Variants in MAP2K5 observed in about 807,000 individuals in gnomAD.
MAP2K5 encodes mitogen-activated protein kinase kinase 5, also known as dual specificity mitogen-activated protein kinase kinase 5.
Under a neutral mutation model 83.1 loss-of-function variants are expected in MAP2K5, and 49 were observed. That is an observed-to-expected ratio of 0.59 (90% CI 0.47 to 0.75). MAP2K5 has a LOEUF of 0.75. Among genes scored for constraint, MAP2K5 ranks in the 30% least tolerant of loss-of-function variants. The probability of loss-of-function intolerance (pLI) is 0.00; values close to 1 mark genes in which losing one functional copy is unlikely to be tolerated. For missense variants in MAP2K5, 457 were observed against 557.5 expected (o/e 0.82, Z 1.82); for synonymous variants, 202 against 191.8 (o/e 1.05, Z -0.44).
chr15:67,560,716 T>C (rs2084718269), intron 2 of MAP2K5, among the ~76,000 whole-genome samples: 1 of 152,260 alleles, frequency 6.6e-6, no homozygotes. Flanking sequence ...CAAGAAATTA[T>C]TCTGGTAGCT....
At chr15:67,667,062 G>A (rs887583854) in intron 13 of MAP2K5, among the ~76,000 whole-genome samples, 2 of 152,194 alleles carry the variant, frequency 1.3e-5, no homozygotes, top group Admixed American at 6.6e-5. Context: ...TTACTGAAGC[G>A]TCAAAGAAGC....
rs183349692 is a variant in MAP2K5 at position 67,620,567 on chromosome 15, A to G, written c.546-10321A>G. 1.2e-4 allele frequency among the ~76,000 whole-genome samples: 19 copies of G among 152,326 alleles called. 1 individual carries two copies. The highest frequency in any genetic ancestry group is 3.4e-3 in the Middle Eastern group (1 of 294). On this transcript the variant is annotated intron_variant, in intron 8 of 21. Transcript: ENST00000178640. ...AGTAGAAATAAAAGAATGGAATCCA[A>G]TTGAATTCAGGAAGGAATAACATGA...
chr15:67,630,089 A>G (rs2086432948), intron 8 of MAP2K5, among the ~76,000 whole-genome samples: 1 of 152,150 alleles, frequency 6.6e-6, no homozygotes, highest in African/African-American at 2.4e-5. Context: ...AAAAGTAAAA[A>G]GTAGCATGGT....
intron 21 of MAP2K5, among the ~76,000 whole-genome samples, chr15:67,773,412 T>C (rs559444088): frequency 1.9e-4 from 29 of 152,296 alleles, no homozygotes; most frequent in Admixed American, 1.8e-3. Context: ...CATTAGTAAA[T>C]AATAATTATA....
intron 13 of MAP2K5, among the ~76,000 whole-genome samples, chr15:67,674,010 G>A (rs375944410): frequency 3.7e-4 from 57 of 152,016 alleles, no homozygotes; most frequent in African/African-American, 1.3e-3. Flanking sequence ...CTCCATGCCC[G>A]GCTAATTTTT....
intron 12 of MAP2K5, among the ~76,000 whole-genome samples, chr15:67,662,687 C>A (rs7166911): frequency 0.98 from 149,580 of 152,290 alleles, 73,528 homozygotes; most frequent in Middle Eastern, 1. Context: ...TAGTACTTGT[C>A]ACCCATATAC....
At chr15:67,658,687 T>A in intron 12 of MAP2K5, 73 bp downstream of exon 12, 1 of 1,279,132 alleles carries the variant, frequency 7.8e-7, no homozygotes, top group Non-Finnish European at 1.1e-6. Flanking sequence ...CTTCTTATAT[T>A]CTCAATGTTT....
At chr15:67,546,710 C>G (rs2140939199) in intron 1 of MAP2K5, 2 of 574,042 alleles carry the variant, frequency 3.5e-6, no homozygotes, top group Admixed American at 1.3e-4. Context: ...AGAGAATGCC[C>G]AACCCTCTCC....
Position 67,563,139 on chromosome 15 carries a change from C to T in MAP2K5, c.185-144C>T. 1 of 862,606 alleles carries T rather than the reference C, an allele frequency of 1.2e-6. No individual in the cohort carries two copies. Among genetic ancestry groups the T allele is most frequent in the Non-Finnish European group, 1.7e-6 (1 of 605,952 alleles). 53.4% of individuals were successfully genotyped at this position (862,606 alleles called of 1,614,324 possible). A position where few individuals can be genotyped will look rare whatever the true frequency, so the allele number is the denominator to read the frequency against. On this transcript the variant is annotated intron_variant, in intron 2 of 21. Coordinates refer to ENST00000178640, the MANE Select transcript of MAP2K5 (RefSeq NM_145160.3). The surrounding 1 kb of genome is among the most constrained non-coding windows in gnomAD (Gnocchi z 4.5). ...ATCATATTCCAAATGGAAAACAAAA[C>T]AACAAACTAATAATGTCAACATACC...
intron 11 of MAP2K5, among the ~76,000 whole-genome samples, chr15:67,657,545 C>A (rs2087115182): frequency 6.6e-6 from 1 of 151,892 alleles, no homozygotes; most frequent in South Asian, 2.1e-4. Flanking sequence ...CAGTTCATAT[C>A]AGAAGTGTCT....
rs1304853142 is a variant in MAP2K5, at chr15:67,779,511, A to G, written c.1242+6759A>G. Among the ~76,000 whole-genome samples the G allele has an allele frequency of 6.6e-6, 1 of 152,230 alleles. No homozygotes were observed. The highest frequency in any genetic ancestry group is 1.5e-5 in the Non-Finnish European group (1 of 68,044). On this transcript the variant is annotated intron_variant, in intron 21 of 21. Transcript: ENST00000178640. This position sits in a 1 kb window ranked among gnomAD's most constrained non-coding sequence, Gnocchi z 4.6. ...CTTTAGCAGATAAATATGTGTGTGT[A>G]TGTATATGTCTTTATATGCATGCGC...
In MAP2K5 at chr15:67,736,503, A is replaced by G. The variant is rs929579047; in HGVS notation, c.1074+8558A>G. Among the ~76,000 whole-genome samples the G allele has an allele frequency of 1.3e-5, 2 of 152,232 alleles. No homozygotes were observed. Among genetic ancestry groups the G allele is most frequent in the African/African-American group, 2.4e-5 (1 of 41,456 alleles). ...CAGAAAGTTCTTCAGGGATTTACCT[A>G]TGTAACTCTGAAAATATATGACCAT... On this transcript the variant is annotated intron_variant, in intron 17 of 21. Transcript: ENST00000178640. The surrounding 1 kb of genome is among the most constrained non-coding windows in gnomAD (Gnocchi z 4.3).
intron 16 of MAP2K5, among the ~76,000 whole-genome samples, chr15:67,716,257 C>G (rs1441650107): frequency 6.6e-6 from 1 of 152,182 alleles, no homozygotes; most frequent in African/African-American, 2.4e-5. Context: ...AGGAGGATCC[C>G]TTGAGCCCAG....
chr15:67,685,441 T>A (rs562871661), intron 13 of MAP2K5, among the ~76,000 whole-genome samples: 4 of 152,114 alleles, frequency 2.6e-5, no homozygotes, highest in African/African-American at 9.6e-5. Flanking sequence ...TACAAAAAAA[T>A]GTTAAGCTAT....
At position 67,628,578 on chromosome 15, in the gene MAP2K5, G is replaced by C. The variant is rs2086382449; in HGVS notation, c.546-2310G>C. 3 of 1,238,646 alleles carry C rather than the reference G, an allele frequency of 2.4e-6. No individual in the cohort carries two copies. The African/African-American group carries it at 4.4e-5, about 18-fold the overall frequency. The allele number at this position is 1,238,646 out of a possible 1,614,324, so 76.7% of individuals were successfully genotyped here. Reference sequence around the variant, plus strand: ...GAAAAATTGAAGTGATTGAAATCATGACTGACCAAGGCAGTGGCAAGAAAA... The same window carrying C: ...GAAAAATTGAAGTGATTGAAATCATCACTGACCAAGGCAGTGGCAAGAAAA... On this transcript the variant is annotated intron_variant, in intron 8 of 21. Coordinates refer to ENST00000178640, the MANE Select transcript of MAP2K5 (RefSeq NM_145160.3).
At chr15:67,727,581 G>A (rs1266715689) in intron 16 of MAP2K5, among the ~76,000 whole-genome samples, 1 of 152,114 alleles carries the variant, frequency 6.6e-6, no homozygotes, top group African/African-American at 2.4e-5. Context: ...AAAGCAAAGA[G>A]TTTTTACATC....
chr15:67,798,909 G>T (rs907708382), intron 21 of MAP2K5, among the ~76,000 whole-genome samples: 1 of 152,166 alleles, frequency 6.6e-6, no homozygotes, highest in Non-Finnish European at 1.5e-5. Context: ...GGTGGCTCAC[G>T]CCTGTAATCC....
In MAP2K5 at chr15:67,750,789, A is replaced by G. The variant is rs2089701702; in HGVS notation, c.1134+2188A>G. On this transcript the variant is annotated intron_variant, in intron 19 of 21. Coordinates refer to ENST00000178640, the MANE Select transcript of MAP2K5 (RefSeq NM_145160.3). This position sits in a 1 kb window ranked among gnomAD's most constrained non-coding sequence, Gnocchi z 4.2. ...CTGACTTTTAGACCTTTTATTTGTG[A>G]ATGAATATGCCCAGTTGGGATTTGA... is the stretch of plus-strand genomic sequence containing the variant. Among the ~76,000 whole-genome samples, 1 of 152,036 alleles carries G rather than the reference A, an allele frequency of 6.6e-6. No individual in the cohort carries two copies. The highest frequency in any genetic ancestry group is 2.4e-5 in the African/African-American group (1 of 41,410).
At chr15:67,704,136 A>G (rs1343572566) in intron 16 of MAP2K5, among the ~76,000 whole-genome samples, 1 of 152,202 alleles carries the variant, frequency 6.6e-6, no homozygotes, top group Non-Finnish European at 1.5e-5. Context: ...AAATGCATGT[A>G]ACTTATATTA....
Sources: gnomAD v4.1 joint callset for allele counts (sites outside exome capture counted in the v4.1 genomes callset) on GRCh38, gnomAD v4.1.1 for gene constraint, Gnocchi (gnomAD v3.1) non-coding constraint, MANE v1.5 for transcripts, NCBI Gene and HGNC (gene_info 2026-07-23, HGNC 2026-07-21) for gene names.